Variants in USP10 observed in about 807,000 individuals in gnomAD.
USP10 encodes the protein ubiquitin carboxyl-terminal hydrolase 10.
In USP10, 22 loss-of-function variants were observed where a neutral mutation model predicts 84.5. The ratio of observed to expected loss-of-function variants is 0.26; its 90% CI spans 0.19 to 0.37. The LOEUF (loss-of-function observed/expected upper bound fraction) is 0.37, where lower values mean the gene tolerates loss of function less well. USP10 is among the 10% of genes least tolerant of loss of function. The pLI is 1.00. For synonymous variants in USP10, 454 were observed against 387.6 expected (o/e 1.17, Z -2.01); for missense variants, 1,019 against 998.9 (o/e 1.02, Z -0.27).
intron 5 of USP10, among the ~76,000 whole-genome samples, 171 bp downstream of exon 5, chr16:84,758,978 C>G (rs528308880): frequency 6.6e-6 from 1 of 152,276 alleles, no homozygotes; most frequent in South Asian, 2.1e-4. Flanking sequence ...TATTCCTGAC[C>G]CCAGTCCATC....
At chr16:84,706,642 G>A (rs1015360184) in intron 1 of USP10, among the ~76,000 whole-genome samples, 1 of 151,756 alleles carries the variant, frequency 6.6e-6, no homozygotes, top group Non-Finnish European at 1.5e-5. Flanking sequence ...CCGGGTTCAC[G>A]CCATTCTCCT....
At position 84,753,799 on chromosome 16, in the gene USP10, A is replaced by G. The variant is rs547715839; in HGVS notation, c.1193-4917A>G. Among the ~76,000 whole-genome samples, 4 of 152,336 alleles carry G rather than the reference A, an allele frequency of 2.6e-5. No individual in the cohort carries two copies. In the South Asian group the frequency reaches 6.2e-4, roughly 24 times the overall value. On this transcript the variant is annotated intron_variant, in intron 4 of 13. Coordinates refer to ENST00000219473, the MANE Select transcript of USP10 (RefSeq NM_005153.3). ...TCTCCAGATGTTTAATTGATCCTGT[A>G]TTACTGTCTAATGAGAACTTACTGT...
chr16:84,732,667 C>T (rs1170452445), intron 1 of USP10: 3 of 299,904 alleles, frequency 1.0e-5, no homozygotes, highest in Middle Eastern at 1.2e-3. Flanking sequence ...AGGCTGGTCT[C>T]GAATTCCTGA....
At chr16:84,753,217 A>C (rs1256388647) in intron 4 of USP10, among the ~76,000 whole-genome samples, 1 of 152,148 alleles carries the variant, frequency 6.6e-6, no homozygotes, top group Non-Finnish European at 1.5e-5. Flanking sequence ...CCTGGACTCA[A>C]GTGATCTTCC....
intron 1 of USP10, among the ~76,000 whole-genome samples, chr16:84,728,944 AC>A (rs1463626208): frequency 6.6e-6 from 1 of 151,238 alleles, no homozygotes; most frequent in Non-Finnish European, 1.5e-5. Flanking sequence ...GATTACAGGC[AC>A]CCACCACCAT....
chr16:84,746,282 T>A (rs1911215751), intron 4 of USP10, among the ~76,000 whole-genome samples: 1 of 152,238 alleles, frequency 6.6e-6, no homozygotes, highest in Non-Finnish European at 1.5e-5. Context: ...AGATTGTTTT[T>A]AAAAAGTTAC....
intron 1 of USP10, among the ~76,000 whole-genome samples, chr16:84,727,455 TAAAAAAACAAAC>T (rs1352313594): frequency 7.1e-5 from 10 of 141,774 alleles, no homozygotes; most frequent in African/African-American, 2.5e-4. Context: ...GTGTTAGCTT[TAAAAAAACAAAC>T]AAACAAACAA....
At chr16:84,776,238 C>T (rs1226737419) in intron 13 of USP10, among the ~76,000 whole-genome samples, 1 of 152,130 alleles carries the variant, frequency 6.6e-6, no homozygotes, top group African/African-American at 2.4e-5. Context: ...CCTCAGCTCA[C>T]GCCCGATGTT....
intron 1 of USP10, among the ~76,000 whole-genome samples, chr16:84,708,498 C>G (rs1415228488): frequency 6.6e-6 from 1 of 152,206 alleles, no homozygotes; most frequent in Non-Finnish European, 1.5e-5. Context: ...CTTGTCCATC[C>G]ATTGCCTTTG....
In USP10 at chr16:84,740,335, G is replaced by T. The variant is rs544652587; in HGVS notation, c.117G>T (p.Leu39=). The change falls in exon 3 of 14, where the codon CTG becomes CTT. Residue 39 remains leucine (L), a synonymous_variant. Coordinates refer to ENST00000219473, the MANE Select transcript of USP10 (RefSeq NM_005153.3). ...TTCCTCCATACAGTGGAACAGTTCT[G>T]TGTGGCACACAGGCTGTGGATAAAC... ...VELPPYSGTV[L]CGTQAVDKLP... The T allele has an allele frequency of 6.2e-7, 1 of 1,613,182 alleles. No homozygotes were observed. Among genetic ancestry groups the T allele is most frequent in the Non-Finnish European group, 8.5e-7 (1 of 1,179,476 alleles).
intron 1 of USP10, among the ~76,000 whole-genome samples, chr16:84,726,087 A>T (rs911738719): frequency 1.3e-5 from 2 of 152,222 alleles, no homozygotes; most frequent in Admixed American, 6.5e-5. Context: ...TTACATTCTT[A>T]CTTCAGGGCT....
intron 1 of USP10, among the ~76,000 whole-genome samples, chr16:84,713,334 G>C (rs1418209516): frequency 2.0e-5 from 3 of 152,008 alleles, no homozygotes; most frequent in Admixed American, 6.6e-5. Context: ...TACTTTCAGT[G>C]AGTCTCTGTG....
At chr16:84,713,754 C>T (rs377330911) in intron 1 of USP10, among the ~76,000 whole-genome samples, 4 of 152,138 alleles carry the variant, frequency 2.6e-5, no homozygotes, top group African/African-American at 7.2e-5. Flanking sequence ...GGAGAGTCCC[C>T]GGGGACACCT....
Position 84,778,215 on chromosome 16 carries a change from G to A in USP10, c.2210-680G>A, listed in dbSNP as rs370285937. Reference sequence around the variant, plus strand: ...CCGCAGTGCCCCACCACAGCTCCACGCTCAAGCAACCGTGGTTAGCAGTCC... The same window carrying A: ...CCGCAGTGCCCCACCACAGCTCCACACTCAAGCAACCGTGGTTAGCAGTCC... On this transcript the variant is annotated intron_variant, in intron 13 of 13. Transcript: ENST00000219473. 3.1e-4 allele frequency among the ~76,000 whole-genome samples: 47 copies of A among 151,984 alleles called. 1 individual carries two copies. The South Asian group carries it at 9.4e-3, about 30-fold the overall frequency.
At chr16:84,736,850 G>C (rs971110979) in intron 2 of USP10, among the ~76,000 whole-genome samples, 1 of 152,290 alleles carries the variant, frequency 6.6e-6, no homozygotes, top group African/African-American at 2.4e-5. Flanking sequence ...CTGCAGGGGC[G>C]TGATCTCGGC....
At chr16:84,765,129 C>G (rs1414565983) in intron 10 of USP10, among the ~76,000 whole-genome samples, 1 of 150,690 alleles carries the variant, frequency 6.6e-6, no homozygotes, top group Non-Finnish European at 1.5e-5. Flanking sequence ...GACAGTGTAT[C>G]TGGAGGAATT....
intron 1 of USP10, among the ~76,000 whole-genome samples, chr16:84,724,082 CTG>C (rs1016271407): frequency 2.0e-5 from 3 of 152,202 alleles, no homozygotes; most frequent in Admixed American, 1.3e-4. Flanking sequence ...AATTTATCTG[CTG>C]TGTTTCATAC....
rs139417614 is a variant in USP10, at chr16:84,764,905, C to G, written c.1832+642C>G. Among the ~76,000 whole-genome samples the G allele has an allele frequency of 2.3e-3, 303 of 131,754 alleles. 2 individuals are homozygous for G. Among genetic ancestry groups the G allele is most frequent in the African/African-American group, 8.2e-3 (290 of 35,356 alleles). The allele number at this position is 131,754 out of a possible 152,430, so 86.4% of individuals were successfully genotyped here. ...TAGGCAAAGGTTTCATAAGATAGGT[C>G]ATAAACAATAACCACGAGAGAGAGA... On this transcript the variant is annotated intron_variant, in intron 10 of 13. Transcript: ENST00000219473.
chr16:84,754,663 G>A (rs190547399), intron 4 of USP10, among the ~76,000 whole-genome samples: 4 of 152,186 alleles, frequency 2.6e-5, no homozygotes, highest in South Asian at 2.1e-4. Flanking sequence ...AGCTGGTATC[G>A]ATTTAAGGGA....
Sources: gnomAD v4.1 joint callset for allele counts (sites outside exome capture counted in the v4.1 genomes callset) on GRCh38, gnomAD v4.1.1 for gene constraint, MANE v1.5 for transcripts, NCBI Gene and HGNC (gene_info 2026-07-23, HGNC 2026-07-21) for gene names.